UNC5C: variants seen among roughly 807,000 people sequenced by gnomAD.
The protein encoded by UNC5C is unc-5 netrin receptor C.
A neutral mutation model predicts 99.8 loss-of-function variants in UNC5C; 47 were observed. That is an observed-to-expected ratio of 0.47 (90% CI 0.37 to 0.60). UNC5C has a LOEUF of 0.60. Ranked by LOEUF, UNC5C falls within the 20% of genes least tolerant of loss-of-function variation. UNC5C has a pLI of 0.00. For missense variants in UNC5C, 1,062 were observed against 1,165.9 expected (o/e 0.91, Z 1.30); for synonymous variants, 487 against 452.2 (o/e 1.08, Z -0.98).
chr4:95,391,973 C>T (rs1189255598), intron 1 of UNC5C, among the ~76,000 whole-genome samples: 4 of 152,176 alleles, frequency 2.6e-5, no homozygotes, highest in African/African-American at 9.7e-5. Flanking sequence ...GGGAGGATCA[C>T]TTGAGCCCCA....
chr4:95,327,011 C>G (rs559190388), intron 2 of UNC5C, among the ~76,000 whole-genome samples: 1 of 151,948 alleles, frequency 6.6e-6, no homozygotes, highest in African/African-American at 2.4e-5. Flanking sequence ...ATAGGATAAC[C>G]AGGTTTGATT....
intron 1 of UNC5C, among the ~76,000 whole-genome samples, chr4:95,484,994 C>T (rs1721281545): frequency 6.6e-6 from 1 of 151,816 alleles, no homozygotes; most frequent in Non-Finnish European, 1.5e-5. Context: ...TATAATCTAT[C>T]CAAGCATATA....
At chr4:95,480,579 T>C (rs1265608212) in intron 1 of UNC5C, among the ~76,000 whole-genome samples, 3 of 151,968 alleles carry the variant, frequency 2.0e-5, no homozygotes, top group Non-Finnish European at 4.4e-5. Context: ...ATGATCACAA[T>C]GGAATTCGCT....
Position 95,539,567 on chromosome 4 carries a change from T to C in UNC5C, c.124+9167A>G, listed in dbSNP as rs182438638. On this transcript the variant is annotated intron_variant, in intron 1 of 15. Coordinates refer to ENST00000453304, the MANE Select transcript of UNC5C (RefSeq NM_003728.4). ...TAAAAAGTTTTTTCCATTGGTTTGATAGACTCCATTGGTTTTTTGAGGATA... is the reference window on the plus strand; with the variant it reads ...TAAAAAGTTTTTTCCATTGGTTTGACAGACTCCATTGGTTTTTTGAGGATA... Among the ~76,000 whole-genome samples the C allele has an allele frequency of 1.1e-4, 16 of 152,342 alleles. No homozygotes were observed. The East Asian group carries it at 3.1e-3, about 29-fold the overall frequency.
At chr4:95,278,013 C>T (rs895440193) in intron 4 of UNC5C, among the ~76,000 whole-genome samples, 1 of 152,186 alleles carries the variant, frequency 6.6e-6, no homozygotes, top group Non-Finnish European at 1.5e-5. Flanking sequence ...TTTCTGATTT[C>T]TTGAAAGAGA....
intron 1 of UNC5C, among the ~76,000 whole-genome samples, chr4:95,373,962 A>T (rs1744818286): frequency 6.6e-6 from 1 of 152,148 alleles, no homozygotes; most frequent in Admixed American, 6.6e-5. Flanking sequence ...TTGGCCTCCA[A>T]CTGTGATCTT....
chr4:95,186,824 CCCCAGCCACA>C (rs1736850730), intron 12 of UNC5C, among the ~76,000 whole-genome samples: 1 of 151,994 alleles, frequency 6.6e-6, no homozygotes, highest in Non-Finnish European at 1.5e-5. Context: ...GTCAGCCAGC[CCCCAGCCACA>C]GTCAGCCAGA....
chr4:95,462,645 A>G (rs1359740676), intron 1 of UNC5C, among the ~76,000 whole-genome samples: 1 of 152,204 alleles, frequency 6.6e-6, no homozygotes, highest in Non-Finnish European at 1.5e-5. Flanking sequence ...TGTTTTAGAC[A>G]TTTCCTAAAA....
At chr4:95,283,149 T>C (rs1425977588) in intron 3 of UNC5C, among the ~76,000 whole-genome samples, 2 of 152,192 alleles carry the variant, frequency 1.3e-5, no homozygotes, top group Non-Finnish European at 2.9e-5. Context: ...TAATTCTTCT[T>C]AGAATATGGT....
intron 1 of UNC5C, 146 bp downstream of exon 1, chr4:95,548,588 C>G: frequency 1.4e-6 from 1 of 703,340 alleles, no homozygotes; most frequent in Non-Finnish European, 2.1e-6. Context: ...AGCTTCTTGA[C>G]TAGTTGGGAA....
At chr4:95,514,026 G>A (rs545724034) in intron 1 of UNC5C, among the ~76,000 whole-genome samples, 1 of 151,986 alleles carries the variant, frequency 6.6e-6, no homozygotes, top group Non-Finnish European at 1.5e-5. Context: ...TATCAAATTC[G>A]CTAAATTAGC....
chr4:95,530,362 A>T (rs938141589), intron 1 of UNC5C, among the ~76,000 whole-genome samples: 1 of 151,876 alleles, frequency 6.6e-6, no homozygotes, highest in East Asian at 1.9e-4. Flanking sequence ...ATATATCATG[A>T]CTCCCCTCTC....
intron 12 of UNC5C, among the ~76,000 whole-genome samples, chr4:95,196,482 A>G (rs1023446504): frequency 1.3e-5 from 2 of 151,954 alleles, no homozygotes; most frequent in Non-Finnish European, 2.9e-5. Context: ...GTTGCCCATC[A>G]GCCTTGACTT....
At chr4:95,220,784 G>A (rs1193558475) in intron 7 of UNC5C, among the ~76,000 whole-genome samples, 1 of 152,106 alleles carries the variant, frequency 6.6e-6, no homozygotes, top group Non-Finnish European at 1.5e-5. Context: ...CCAGATCTGG[G>A]GGACAGAGGT....
At chr4:95,282,882 T>A (rs1209918099) in intron 3 of UNC5C, among the ~76,000 whole-genome samples, 1 of 152,160 alleles carries the variant, frequency 6.6e-6, no homozygotes, top group Non-Finnish European at 1.5e-5. Context: ...GTTTTGTGGC[T>A]GGTTTTGGAC....
chr4:95,475,571 A>T (rs1417067731), intron 1 of UNC5C, among the ~76,000 whole-genome samples: 1 of 152,112 alleles, frequency 6.6e-6, no homozygotes, highest in African/African-American at 2.4e-5. Context: ...AGATATTTGA[A>T]ATAGATATAT....
chr4:95,468,189 T>C, intron 1 of UNC5C, among the ~76,000 whole-genome samples: 1 of 151,904 alleles, frequency 6.6e-6, no homozygotes, highest in South Asian at 2.1e-4. Flanking sequence ...CAATCTTCCT[T>C]CCACCATTTG....
rs553815475 is a variant in UNC5C, at chr4:95,420,655, C to T, written c.125-85024G>A. 1.8e-4 allele frequency among the ~76,000 whole-genome samples: 28 copies of T among 151,986 alleles called. No homozygotes were observed. The East Asian group carries it at 4.1e-3, about 22-fold the overall frequency. The stretch of plus-strand genomic sequence containing the variant: ...GACCTATAAGAGTAAACAATTTCAA[C>T]GAAAAACTGGTTTCAATAAAAAGGT... On this transcript the variant is annotated intron_variant, in intron 1 of 15. Coordinates refer to ENST00000453304, the MANE Select transcript of UNC5C (RefSeq NM_003728.4).
At chr4:95,292,198 C>CAT (rs1192691074) in intron 3 of UNC5C, among the ~76,000 whole-genome samples, 7 of 120,840 alleles carry the variant, frequency 5.8e-5, no homozygotes, top group South Asian at 2.6e-4. Flanking sequence ...TATATATACA[C>CAT]ATATATATAC....
Sources: gnomAD v4.1 joint callset for allele counts (sites outside exome capture counted in the v4.1 genomes callset) on GRCh38, gnomAD v4.1.1 for gene constraint, MANE v1.5 for transcripts, NCBI Gene and HGNC (gene_info 2026-07-23, HGNC 2026-07-21) for gene names.